The following MACROD2 variants were observed in gnomAD, a reference collection of about 807,000 sequenced individuals.
MACROD2 encodes the protein ADP-ribose glycohydrolase MACROD2.
A neutral mutation model predicts 70.4 loss-of-function variants in MACROD2; 36 were observed. The ratio of observed to expected loss-of-function variants is 0.51; its 90% CI spans 0.39 to 0.68. The LOEUF (loss-of-function observed/expected upper bound fraction) is 0.68. Ranked by LOEUF, MACROD2 falls within the 30% of genes least tolerant of loss-of-function variation. MACROD2 has a pLI of 0.00. For missense variants in MACROD2, 496 were observed against 538.4 expected (o/e 0.92, Z 0.78); for synonymous variants, 172 against 178.8 (o/e 0.96, Z 0.30).
At chr20:15,130,816 G>T (rs1370602456) in intron 5 of MACROD2, among the ~76,000 whole-genome samples, 1 of 152,156 alleles carries the variant, frequency 6.6e-6, no homozygotes, top group Non-Finnish European at 1.5e-5. Flanking sequence ...GCAGCTAATT[G>T]GGTTAAATAA....
chr20:15,526,382 T>C (rs117551361), intron 8 of MACROD2, among the ~76,000 whole-genome samples: 5,877 of 151,600 alleles, frequency 0.039, 133 homozygotes, highest in South Asian at 0.11. Context: ...CTCTAGAGAG[T>C]TGAAGAAAGA....
chr20:14,257,735 C>G (rs1241341065), intron 3 of MACROD2, among the ~76,000 whole-genome samples: 1 of 152,002 alleles, frequency 6.6e-6, no homozygotes, highest in Non-Finnish European at 1.5e-5. Context: ...ACTTGCCTGT[C>G]CTTTATTTAT....
chr20:15,025,409 G>A (rs888842825), intron 5 of MACROD2, among the ~76,000 whole-genome samples: 4 of 151,234 alleles, frequency 2.6e-5, no homozygotes, highest in Non-Finnish European at 5.9e-5. Flanking sequence ...CCTGGGCAGT[G>A]TCACCTTCCT....
intron 6 of MACROD2, among the ~76,000 whole-genome samples, chr20:15,327,180 CTAA>C (rs1022626428): frequency 3.3e-5 from 5 of 152,092 alleles, no homozygotes; most frequent in African/African-American, 1.2e-4. Context: ...ATGTTTTAAT[CTAA>C]TAATAACAAA....
chr20:15,832,213 C>T (rs2159589), intron 8 of MACROD2, among the ~76,000 whole-genome samples: 104,592 of 151,984 alleles, frequency 0.69, 36,176 homozygotes, highest in East Asian at 0.78. Context: ...TGTCTCTCTG[C>T]GTGTGTGGCA....
At chr20:15,503,136 T>C (rs1465405820) in intron 8 of MACROD2, among the ~76,000 whole-genome samples, 3 of 152,220 alleles carry the variant, frequency 2.0e-5, no homozygotes, top group Non-Finnish European at 4.4e-5. Context: ...AGATGTGATA[T>C]ATGACAAAAA....
At chr20:15,994,346 T>G (rs2066598996) in intron 15 of MACROD2, among the ~76,000 whole-genome samples, 1 of 152,158 alleles carries the variant, frequency 6.6e-6, no homozygotes, top group South Asian at 2.1e-4. Context: ...AAAATCTGGC[T>G]TATTAAAGTA....
At chr20:15,668,960 G>A (rs1039095061) in intron 8 of MACROD2, among the ~76,000 whole-genome samples, 12 of 152,166 alleles carry the variant, frequency 7.9e-5, no homozygotes, top group African/African-American at 2.9e-4. Context: ...AGTGGAGCAT[G>A]ACCTAGAAAT....
chr20:16,028,293 C>T (rs6135646), intron 15 of MACROD2, among the ~76,000 whole-genome samples: 4 of 152,228 alleles, frequency 2.6e-5, no homozygotes, highest in East Asian at 3.9e-4. Flanking sequence ...TTTCTCTCTG[C>T]GTTGGCTGGC....
intron 5 of MACROD2, among the ~76,000 whole-genome samples, chr20:15,085,909 CACA>C (rs1225977176): frequency 7.5e-5 from 11 of 146,270 alleles, no homozygotes; most frequent in African/African-American, 2.9e-4. Context: ...CACACACACA[CACA>C]GATTTTTTCT....
chr20:14,049,459 G>A (rs1266560804), intron 2 of MACROD2, among the ~76,000 whole-genome samples: 4 of 152,098 alleles, frequency 2.6e-5, no homozygotes, highest in African/African-American at 9.6e-5. Flanking sequence ...ACTGCCTCTA[G>A]GCTGGGCGAG....
chr20:14,127,941 G>A (rs1321444374), intron 3 of MACROD2: 50 of 512,878 alleles, frequency 9.7e-5, no homozygotes, highest in South Asian at 5.7e-4. Flanking sequence ...TTCTTTGTAT[G>A]TAGAAGACGT....
intron 5 of MACROD2, among the ~76,000 whole-genome samples, chr20:15,008,629 C>G (rs142741963): frequency 6.6e-6 from 1 of 152,228 alleles, no homozygotes; most frequent in East Asian, 1.9e-4. Flanking sequence ...ATGAAAGGCT[C>G]TTTGGCGCTG....
At chr20:15,152,459 T>C (rs7262311) in intron 5 of MACROD2, among the ~76,000 whole-genome samples, 8 of 32,930 alleles carry the variant, frequency 2.4e-4, no homozygotes, top group African/African-American at 4.4e-4. Context: ...GTTGGGGGCG[T>C]GGAAATAAGG....
At chr20:15,369,657 G>A (rs1237448116) in intron 6 of MACROD2, among the ~76,000 whole-genome samples, 1 of 152,102 alleles carries the variant, frequency 6.6e-6, no homozygotes, top group Non-Finnish European at 1.5e-5. Context: ...ATAAATAGAA[G>A]TGTCTAACGT....
intron 5 of MACROD2, among the ~76,000 whole-genome samples, chr20:14,729,385 A>G (rs189878255): frequency 6.6e-6 from 1 of 152,304 alleles, no homozygotes; most frequent in African/African-American, 2.4e-5. Context: ...TATTTTATGT[A>G]GTATCCTCAA....
At chr20:15,548,520 C>T (rs1457021519) in intron 8 of MACROD2, among the ~76,000 whole-genome samples, 2 of 152,220 alleles carry the variant, frequency 1.3e-5, no homozygotes, top group East Asian at 1.9e-4. Context: ...CTCAGCTTCC[C>T]GAGTACCTGG....
chr20:15,491,950 A>G (rs1243689047), intron 7 of MACROD2, among the ~76,000 whole-genome samples: 1 of 152,232 alleles, frequency 6.6e-6, no homozygotes, highest in Non-Finnish European at 1.5e-5. Flanking sequence ...CCAAAGCCAG[A>G]TCACAAAACA....
intron 3 of MACROD2, among the ~76,000 whole-genome samples, chr20:14,095,919 T>A (rs1423830260): frequency 2.0e-5 from 3 of 152,204 alleles, no homozygotes; most frequent in African/African-American, 4.8e-5. Context: ...TCCAAATATT[T>A]TAAATGCAAA....
Sources: allele counts gnomAD v4.1 joint callset (sites outside exome capture counted in the v4.1 genomes callset), GRCh38; gene constraint gnomAD v4.1.1; transcripts MANE v1.5; gene names NCBI Gene and HGNC (gene_info 2026-07-23, HGNC 2026-07-21).